RYR2: variants seen among roughly 807,000 people sequenced by gnomAD.
The protein encoded by RYR2 is ryanodine receptor 2.
In RYR2, 227 loss-of-function variants were observed where a neutral mutation model predicts 601.1. The ratio of observed to expected loss-of-function variants is 0.38; its 90% CI spans 0.34 to 0.42. The LOEUF (loss-of-function observed/expected upper bound fraction) is 0.42, where lower values mean the gene tolerates loss of function less well. Among genes scored for constraint, RYR2 ranks in the 10% least tolerant of loss-of-function variants. The pLI, the probability that RYR2 is intolerant of heterozygous loss-of-function variation, is 1.00. For synonymous variants in RYR2, 2,223 were observed against 2,175.1 expected (o/e 1.02, Z -0.61); for missense variants, 4,646 against 6,156.5 (o/e 0.75, Z 8.21).
intron 1 of RYR2, among the ~76,000 whole-genome samples, chr1:237,135,147 A>G (rs1672626488): frequency 6.6e-6 from 1 of 152,210 alleles, no homozygotes; most frequent in Non-Finnish European, 1.5e-5. Context: ...AAGGTTACTC[A>G]GATACATTTC....
rs551640758 is a variant in RYR2 at position 237,283,953 on chromosome 1, C to T, written c.168+13337C>T. ...TTTGTTGTCTTTTATCCCTCATCCT[C>T]CTTCCACTCTTCCCCTGAAGTTCCC... On this transcript the variant is annotated intron_variant, in intron 2 of 104. Transcript: ENST00000366574. 2.6e-5 allele frequency among the ~76,000 whole-genome samples: 4 copies of T among 152,320 alleles called. No individual in the cohort carries two copies. In the South Asian group the frequency reaches 6.2e-4, roughly 24 times the overall value.
At chr1:237,418,276 T>A (rs1415403107) in intron 11 of RYR2, among the ~76,000 whole-genome samples, 1 of 152,136 alleles carries the variant, frequency 6.6e-6, no homozygotes, top group East Asian at 1.9e-4. Flanking sequence ...TCTCCTGACC[T>A]CCTGATCCAC....
chr1:237,436,453 C>CATTTTTTTTTTTTTTTTTTTTTTTTTT lies in RYR2; in HGVS notation c.1006-4866_1006-4865insATTTTTTTTTTTTTTTTTTTTTTTTTT, dbSNP rs1491092540. ...AAGCCGAGGGATAATGTGTGATTTT[C>CATTTTTTTTTTTTTTTTTTTTTTTTTT]CTTTTTTTTTTTTTTTTTTTTTTTT... On this transcript the variant is annotated intron_variant, in intron 12 of 104. Coordinates refer to ENST00000366574, the MANE Select transcript of RYR2 (RefSeq NM_001035.3). 5.6e-4 allele frequency among the ~76,000 whole-genome samples: 31 copies of CATTTTTTTTTTTTTTTTTTTTTTTTTT among 55,840 alleles called. 2 individuals are homozygous for CATTTTTTTTTTTTTTTTTTTTTTTTTT. Among genetic ancestry groups the CATTTTTTTTTTTTTTTTTTTTTTTTTT allele is most frequent in the Non-Finnish European group, 8.7e-4 (28 of 32,044 alleles). 36.6% of individuals were successfully genotyped at this position (55,840 alleles called of 152,430 possible).
chr1:237,564,355 C>T (rs1671751311), intron 27 of RYR2, among the ~76,000 whole-genome samples: 1 of 152,172 alleles, frequency 6.6e-6, no homozygotes, highest in Non-Finnish European at 1.5e-5. Context: ...ACTGCATCCT[C>T]TGCTTCCCGG....
chr1:237,275,432 CTT>C (rs1213847600), intron 2 of RYR2, among the ~76,000 whole-genome samples: 8 of 152,040 alleles, frequency 5.3e-5, no homozygotes, highest in Middle Eastern at 3.4e-3. Context: ...AAGCAGATGT[CTT>C]TATCTCATTA....
chr1:237,771,570 A>G (rs1694277171), intron 85 of RYR2, among the ~76,000 whole-genome samples: 1 of 152,170 alleles, frequency 6.6e-6, no homozygotes, highest in Admixed American at 6.5e-5. Context: ...TTGTTTACAC[A>G]TCTAACTCTC....
At chr1:237,302,724 T>C (rs181986126) in intron 2 of RYR2, among the ~76,000 whole-genome samples, 2 of 152,354 alleles carry the variant, frequency 1.3e-5, no homozygotes, top group Admixed American at 1.3e-4. Flanking sequence ...AAATCCCAGC[T>C]CTATCATTTA....
chr1:237,224,499 T>C (rs1684148163), intron 1 of RYR2, among the ~76,000 whole-genome samples: 1 of 152,180 alleles, frequency 6.6e-6, no homozygotes, highest in South Asian at 2.1e-4. Flanking sequence ...CTATTAGTAA[T>C]AGCTAACATT....
At chr1:237,807,250 G>C (rs1391459606) in intron 99 of RYR2, among the ~76,000 whole-genome samples, 1 of 152,202 alleles carries the variant, frequency 6.6e-6, no homozygotes. Flanking sequence ...ATGCAGTAAA[G>C]AACTGGAGAT....
intron 89 of RYR2, 50 bp from the exon 90 acceptor site, chr1:237,783,625 C>A: frequency 8.8e-7 from 1 of 1,135,794 alleles, no homozygotes; most frequent in Non-Finnish European, 1.3e-6. Flanking sequence ...TCTGTATGAT[C>A]ACTGATTTTG....
intron 1 of RYR2, among the ~76,000 whole-genome samples, chr1:237,119,355 G>A (rs1477718871): frequency 2.0e-5 from 3 of 152,226 alleles, no homozygotes; most frequent in Non-Finnish European, 2.9e-5. Flanking sequence ...CAGTCAGTCT[G>A]TGGTACTTGG....
At chr1:237,262,245 G>GTGTT (rs1688599328) in intron 1 of RYR2, among the ~76,000 whole-genome samples, 1 of 61,106 alleles carries the variant, frequency 1.6e-5, no homozygotes. Context: ...GTTCTAAAGA[G>GTGTT]TTTTTTTTTT....
At chr1:237,442,622 T>C (rs1048456874) in intron 13 of RYR2, among the ~76,000 whole-genome samples, 1 of 152,210 alleles carries the variant, frequency 6.6e-6, no homozygotes, top group African/African-American at 2.4e-5. Flanking sequence ...CATGCACTTA[T>C]TTATTTTTAT....
intron 1 of RYR2, among the ~76,000 whole-genome samples, chr1:237,195,335 C>T (rs1680434983): frequency 6.6e-6 from 1 of 152,192 alleles, no homozygotes; most frequent in Non-Finnish European, 1.5e-5. Context: ...TTCACCACAA[C>T]ATCCGCCTCC....
chr1:237,331,885 T>A (rs1014861459), intron 3 of RYR2, among the ~76,000 whole-genome samples: 3 of 152,152 alleles, frequency 2.0e-5, no homozygotes, highest in Non-Finnish European at 4.4e-5. Flanking sequence ...TTATTTTCAA[T>A]GAGACTTCCT....
chr1:237,730,027 A>T (rs2149158059), intron 76 of RYR2, among the ~76,000 whole-genome samples: 1 of 152,302 alleles, frequency 6.6e-6, no homozygotes, highest in South Asian at 2.1e-4. Flanking sequence ...AAGTCGAGTC[A>T]CTTGACCAAT....
chr1:237,687,613 T>A, intron 63 of RYR2, 109 bp downstream of exon 63: 2 of 827,504 alleles, frequency 2.4e-6, no homozygotes, highest in Admixed American at 2.0e-5. Context: ...TTTGCATGGC[T>A]GCATGCATGG....
intron 71 of RYR2, among the ~76,000 whole-genome samples, chr1:237,713,943 T>G (rs1689047983): frequency 6.8e-6 from 1 of 146,362 alleles, no homozygotes; most frequent in Non-Finnish European, 1.5e-5. Context: ...TTTTTATAGG[T>G]TTTTTTTTTT....
intron 100 of RYR2, among the ~76,000 whole-genome samples, chr1:237,817,902 C>T (rs1233155118): frequency 1.3e-5 from 2 of 152,146 alleles, no homozygotes; most frequent in Non-Finnish European, 2.9e-5. Flanking sequence ...GTATCTGGAA[C>T]AGTCTAAGAA....
Sources: allele counts gnomAD v4.1 joint callset (sites outside exome capture counted in the v4.1 genomes callset), GRCh38; gene constraint gnomAD v4.1.1; transcripts MANE v1.5; gene names NCBI Gene and HGNC (gene_info 2026-07-23, HGNC 2026-07-21).